Variants in ANKS1B observed in about 807,000 individuals in gnomAD.
ANKS1B encodes the protein ankyrin repeat and sterile alpha motif domain-containing protein 1B.
ANKS1B carries 36 observed loss-of-function variants against 148.3 expected under a neutral mutation model. That is an observed-to-expected ratio of 0.24 (90% CI 0.19 to 0.32). The LOEUF (loss-of-function observed/expected upper bound fraction) is 0.32, where lower values mean the gene tolerates loss of function less well. ANKS1B is among the 10% of genes least tolerant of loss of function. The pLI is 1.00. For missense variants in ANKS1B, 1,157 were observed against 1,542.6 expected (o/e 0.75, Z 4.19); for synonymous variants, 542 against 560.8 (o/e 0.97, Z 0.47).
chr12:99,815,685 T>C (rs1295354699), intron 2 of ANKS1B, among the ~76,000 whole-genome samples: 1 of 149,482 alleles, frequency 6.7e-6, no homozygotes, highest in Non-Finnish European at 1.5e-5. Flanking sequence ...ATTATATCAC[T>C]CTGTATGTTT....
chr12:99,210,944 TG>T (rs1420623982), intron 14 of ANKS1B, among the ~76,000 whole-genome samples: 3 of 152,224 alleles, frequency 2.0e-5, no homozygotes, highest in Non-Finnish European at 2.9e-5. Flanking sequence ...AAACTTCAAA[TG>T]GTCTCTATTC....
intron 12 of ANKS1B, among the ~76,000 whole-genome samples, chr12:99,350,779 G>A (rs188307476): frequency 3.3e-5 from 5 of 152,148 alleles, no homozygotes; most frequent in African/African-American, 1.2e-4. Context: ...CCCCTCAAAT[G>A]TAGTGTAGGA....
At chr12:99,479,951 T>C (rs931233391) in intron 10 of ANKS1B, among the ~76,000 whole-genome samples, 1 of 151,964 alleles carries the variant, frequency 6.6e-6, no homozygotes, top group Non-Finnish European at 1.5e-5. Flanking sequence ...ATTAGTTTGA[T>C]TTATCCATTC....
At chr12:99,512,781 C>T (rs958747207) in intron 9 of ANKS1B, among the ~76,000 whole-genome samples, 2 of 152,060 alleles carry the variant, frequency 1.3e-5, no homozygotes, top group African/African-American at 4.8e-5. Context: ...AGCCATTTTC[C>T]TCAGCAAACT....
At chr12:98,996,001 G>A (rs1382493008) in intron 17 of ANKS1B, among the ~76,000 whole-genome samples, 1 of 152,144 alleles carries the variant, frequency 6.6e-6, no homozygotes, top group Non-Finnish European at 1.5e-5. Context: ...CATGGCTGGG[G>A]AAAGAACTAC....
At chr12:99,281,801 C>A (rs1460129921) in intron 12 of ANKS1B, among the ~76,000 whole-genome samples, 1 of 152,172 alleles carries the variant, frequency 6.6e-6, no homozygotes. Flanking sequence ...TCATTCATCA[C>A]TATTAATTAA....
In ANKS1B at chr12:99,787,154, T is replaced by A. The variant is rs1042207995; in HGVS notation, c.670-5057A>T. The stretch of plus-strand genomic sequence containing the variant: ...ACATAATTGATAGGGTTTGGCTATG[T>A]CCCCATCCAAATCTCATCTTGAATT... On this transcript the variant is annotated intron_variant, in intron 4 of 26. Transcript: ENST00000683438. Among the ~76,000 whole-genome samples, 59 of 152,198 alleles carry A rather than the reference T, an allele frequency of 3.9e-4. 1 individual carries two copies. Among genetic ancestry groups the A allele is most frequent in the Non-Finnish European group, 7.2e-4 (49 of 68,030 alleles).
At chr12:99,934,081 C>T (rs2094695267) in intron 1 of ANKS1B, among the ~76,000 whole-genome samples, 1 of 152,044 alleles carries the variant, frequency 6.6e-6, no homozygotes, top group African/African-American at 2.4e-5. Context: ...AGTGATTGAT[C>T]TGTGCATGTT....
At chr12:99,637,846 G>C (rs1006096670) in intron 9 of ANKS1B, among the ~76,000 whole-genome samples, 6 of 144,788 alleles carry the variant, frequency 4.1e-5, no homozygotes, top group African/African-American at 7.6e-5. Flanking sequence ...CACATACACG[G>C]AGAGAGAGAG....
At chr12:99,936,161 C>A (rs2094763773) in intron 1 of ANKS1B, among the ~76,000 whole-genome samples, 1 of 152,092 alleles carries the variant, frequency 6.6e-6, no homozygotes, top group Admixed American at 6.6e-5. Context: ...GGATTACAAT[C>A]CAAGGTGAGA....
chr12:99,648,066 C>T (rs2098388803), intron 9 of ANKS1B: 4 of 1,455,126 alleles, frequency 2.7e-6, no homozygotes, highest in East Asian at 2.3e-5. Context: ...CTGCAGAACA[C>T]GACTGCTGGC....
rs192671137 is a variant in ANKS1B, at chr12:99,194,089, T to C, written c.2420-39694A>G. 6.7e-3 allele frequency among the ~76,000 whole-genome samples: 1,026 copies of C among 152,148 alleles called. 19 individuals carry two copies. The highest frequency in any genetic ancestry group is 0.023 in the African/African-American group (961 of 41,522). ...TGCTGGGATTACAGGCATGAGCCAC[T>C]GCACCCAGCCATATTTCAGGCTTTA... On this transcript the variant is annotated intron_variant, in intron 14 of 26. Transcript: ENST00000683438.
chr12:99,699,011 T>C (rs2054380077), intron 8 of ANKS1B, among the ~76,000 whole-genome samples: 1 of 152,160 alleles, frequency 6.6e-6, no homozygotes, highest in African/African-American at 2.4e-5. Context: ...TGCGTGCTCT[T>C]TATTAGCTCT....
At chr12:99,863,567 T>G (rs1040554758) in intron 1 of ANKS1B, among the ~76,000 whole-genome samples, 3 of 151,632 alleles carry the variant, frequency 2.0e-5, no homozygotes, top group African/African-American at 7.3e-5. Context: ...TACAAAAAAT[T>G]AGCCGGGCGT....
intron 17 of ANKS1B, among the ~76,000 whole-genome samples, chr12:98,924,734 G>A (rs1050879742): frequency 9.9e-5 from 15 of 152,142 alleles, no homozygotes; most frequent in East Asian, 1.9e-4. Context: ...CCTTAAGTAC[G>A]TTTGGAAAAT....
At chr12:99,108,946 A>G (rs1371962897) in intron 15 of ANKS1B, among the ~76,000 whole-genome samples, 2 of 152,180 alleles carry the variant, frequency 1.3e-5, no homozygotes, top group African/African-American at 2.4e-5. Flanking sequence ...ACTCACAGGG[A>G]ATGAGGAAGG....
At chr12:98,963,551 T>A (rs1435139449) in intron 17 of ANKS1B, among the ~76,000 whole-genome samples, 1 of 152,164 alleles carries the variant, frequency 6.6e-6, no homozygotes, top group Admixed American at 6.5e-5. Context: ...GACTTCAAGC[T>A]ATGAAACTAT....
intron 1 of ANKS1B, among the ~76,000 whole-genome samples, chr12:99,923,243 G>A (rs1321216016): frequency 6.6e-6 from 1 of 152,186 alleles, no homozygotes; most frequent in Non-Finnish European, 1.5e-5. Context: ...TAGCCTCTGG[G>A]AAGGTAATAT....
chr12:98,843,588 C>T (rs746109539), intron 17 of ANKS1B, among the ~76,000 whole-genome samples: 12 of 152,150 alleles, frequency 7.9e-5, no homozygotes, highest in African/African-American at 2.9e-4. Flanking sequence ...ACAAACAAAG[C>T]GACTGGAGTC....
Sources: allele counts gnomAD v4.1 joint callset (sites outside exome capture counted in the v4.1 genomes callset), GRCh38; gene constraint gnomAD v4.1.1; transcripts MANE v1.5; gene names NCBI Gene and HGNC (gene_info 2026-07-23, HGNC 2026-07-21).